Variants in CFAP70 observed in about 807,000 individuals in gnomAD.
The protein encoded by CFAP70 is cilia- and flagella-associated protein 70.
Under a neutral mutation model 137.6 loss-of-function variants are expected in CFAP70, and 81 were observed. The ratio of observed to expected loss-of-function variants is 0.59; its 90% CI spans 0.49 to 0.71. The LOEUF (loss-of-function observed/expected upper bound fraction) is 0.71. Ranked by LOEUF, CFAP70 falls within the 30% of genes least tolerant of loss-of-function variation. The pLI, the probability that CFAP70 is intolerant of heterozygous loss-of-function variation, is 0.00. For synonymous variants in CFAP70, 382 were observed against 423.6 expected (o/e 0.90, Z 1.20); for missense variants, 976 against 1,226.7 (o/e 0.80, Z 3.05).
intron 16 of CFAP70, among the ~76,000 whole-genome samples, chr10:73,292,995 T>C (rs941001611): frequency 6.6e-6 from 1 of 152,192 alleles, no homozygotes; most frequent in Non-Finnish European, 1.5e-5. Context: ...TGGAGTTGAG[T>C]TTTGTAAAAT....
At chr10:73,360,351 C>T (rs987751260), upstream of CFAP70, among the ~76,000 whole-genome samples, 1 of 152,168 alleles carries the variant, frequency 6.6e-6, no homozygotes, top group Non-Finnish European at 1.5e-5. Flanking sequence ...CATGTACACA[C>T]ACATATGCAC....
upstream of CFAP70, among the ~76,000 whole-genome samples, chr10:73,362,517 G>C (rs1346943381): frequency 7.1e-6 from 1 of 140,690 alleles, no homozygotes; most frequent in African/African-American, 2.9e-5. Context: ...ACTTCCTAGG[G>C]TTTTTGTTTT....
At chr10:73,308,091 G>A (rs911228292) in intron 12 of CFAP70, among the ~76,000 whole-genome samples, 2 of 152,062 alleles carry the variant, frequency 1.3e-5, no homozygotes, top group African/African-American at 4.8e-5. Flanking sequence ...GGAGGCAGAG[G>A]TTGCGGTGAG....
At chr10:73,316,505 T>G (rs886647513) in intron 9 of CFAP70, among the ~76,000 whole-genome samples, 7 of 141,784 alleles carry the variant, frequency 4.9e-5, no homozygotes, top group Middle Eastern at 3.8e-3. Flanking sequence ...TATATATATA[T>G]ATATATATGA....
chr10:73,332,840 C>T (rs2052258432), intron 7 of CFAP70, among the ~76,000 whole-genome samples: 1 of 152,060 alleles, frequency 6.6e-6, no homozygotes, highest in African/African-American at 2.4e-5. Context: ...TTCCTATTAC[C>T]CAATATATAA....
At chr10:73,268,049 T>A (rs1046143362) in intron 25 of CFAP70, among the ~76,000 whole-genome samples, 11 of 152,238 alleles carry the variant, frequency 7.2e-5, no homozygotes, top group African/African-American at 2.7e-4. Flanking sequence ...CTTACCTGAC[T>A]GGGTCAGGTC....
chr10:73,362,518 T>TTTTTG (rs138836507), upstream of CFAP70, among the ~76,000 whole-genome samples: 23,039 of 151,910 alleles, frequency 0.15, 2,811 homozygotes, highest in African/African-American at 0.32. Context: ...CTTCCTAGGG[T>TTTTTG]TTTTGTTTTG....
chr10:73,337,307 C>T (rs2052762561), intron 6 of CFAP70, among the ~76,000 whole-genome samples: 2 of 151,366 alleles, frequency 1.3e-5, no homozygotes, highest in Admixed American at 1.3e-4. Flanking sequence ...ATGGTGAAGC[C>T]CTGTCTCTAC....
chr10:73,293,595 G>C (rs911491188), intron 15 of CFAP70: 3 of 442,490 alleles, frequency 6.8e-6, no homozygotes, highest in Non-Finnish European at 1.2e-5. Flanking sequence ...TCAGGTATCT[G>C]AATACCAACA....
At chr10:73,324,521 G>A (rs980626716) in intron 8 of CFAP70, among the ~76,000 whole-genome samples, 9 of 152,184 alleles carry the variant, frequency 5.9e-5, no homozygotes, top group African/African-American at 2.2e-4. Context: ...GAAGGCTTCA[G>A]ACGATCAAAC....
At chr10:73,341,432 A>G (rs2053241180) in exon 6 of CFAP70, 1 of 1,613,984 alleles carries the variant, frequency 6.2e-7, no homozygotes, top group Non-Finnish European at 8.5e-7. Context: ...CTTCTTCTTC[A>G]TAGGGACCAC....
At chr10:73,315,207 AC>A (rs1461285720) in intron 9 of CFAP70, among the ~76,000 whole-genome samples, 8 of 128,748 alleles carry the variant, frequency 6.2e-5, no homozygotes, top group Admixed American at 5.9e-4. Context: ...ACAGAGTGAG[AC>A]CCCATCTCAA....
At chr10:73,325,595 T>C (rs1015365665) in intron 8 of CFAP70, among the ~76,000 whole-genome samples, 20 of 152,092 alleles carry the variant, frequency 1.3e-4, no homozygotes, top group Non-Finnish European at 2.6e-4. Flanking sequence ...GAAACCCATC[T>C]CACGTGCAGG....
rs1056289000 is a variant in CFAP70 at position 73,345,819 on chromosome 10, G to A, written c.350-705C>T. Among the ~76,000 whole-genome samples the A allele has an allele frequency of 2.6e-5, 4 of 151,990 alleles. No individual in the cohort carries two copies. In the South Asian group the frequency reaches 6.2e-4, roughly 24 times the overall value. ...TCTCAAAAAAAACAAAAGAAATGTCGATAGAAGTTGCACATGAGTAAGTGA... is the reference window on the plus strand; with the variant it reads ...TCTCAAAAAAAACAAAAGAAATGTCAATAGAAGTTGCACATGAGTAAGTGA... On this transcript the variant is annotated intron_variant, in intron 4 of 26. Coordinates refer to ENST00000310715, the Ensembl canonical transcript of CFAP70.
intron 25 of CFAP70, among the ~76,000 whole-genome samples, chr10:73,260,673 G>C (rs968909255): frequency 3.3e-5 from 5 of 152,086 alleles, no homozygotes; most frequent in Non-Finnish European, 5.9e-5. Context: ...GGCAACCATT[G>C]ATCTATTTTC....
intron 10 of CFAP70, 98 bp from the exon 12 acceptor site, chr10:73,312,012 C>A: frequency 1.1e-6 from 1 of 886,792 alleles, no homozygotes; most frequent in Non-Finnish European, 1.8e-6. Context: ...TGCAAACTAA[C>A]TGCAGCCATA....
chr10:73,351,063 GTGTGTGTGTATA>G (rs2054187916), intron 3 of CFAP70, among the ~76,000 whole-genome samples: 1 of 57,038 alleles, frequency 1.8e-5, no homozygotes, highest in African/African-American at 9.7e-5. Context: ...GTGTGTGTGT[GTGTGTGTGTATA>G]TATATATATA....
intron 11 of CFAP70, among the ~76,000 whole-genome samples, chr10:73,310,591 T>A (rs1453315598): frequency 6.6e-6 from 1 of 152,206 alleles, no homozygotes; most frequent in Non-Finnish European, 1.5e-5. Context: ...TTTCAGGTGG[T>A]CCTGCAGAAA....
intron 4 of CFAP70, 121 bp from the exon 6 acceptor site, chr10:73,345,365 A>G (rs1221143145): frequency 4.4e-6 from 4 of 901,202 alleles, no homozygotes; most frequent in African/African-American, 3.3e-5. Flanking sequence ...AATTATTTCC[A>G]TAAGTTGAAA....
Sources: allele counts gnomAD v4.1 joint callset (sites outside exome capture counted in the v4.1 genomes callset), GRCh38; gene constraint gnomAD v4.1.1; transcripts MANE v1.5; gene names NCBI Gene and HGNC (gene_info 2026-07-23, HGNC 2026-07-21).